Variants in CASK observed in about 807,000 individuals in gnomAD.
CASK encodes calcium/calmodulin dependent serine protein kinase.
CASK carries 4 observed loss-of-function variants against 82.9 expected under a neutral mutation model. That is an observed-to-expected ratio of 0.05 (90% CI 0.02 to 0.11). The LOEUF is 0.11. Among genes scored for constraint, CASK ranks in the 10% least tolerant of loss-of-function variants. The probability of loss-of-function intolerance (pLI) is 1.00; values close to 1 mark genes in which losing one functional copy is unlikely to be tolerated. For missense variants in CASK, 358 were observed against 720.9 expected (o/e 0.50, Z 5.76); for synonymous variants, 259 against 253.5 (o/e 1.02, Z -0.20).
At chrX:41,809,060 T>G (rs1219335864) in intron 2 of CASK, among the ~76,000 whole-genome samples, 3 of 112,435 alleles carry the variant, frequency 2.7e-5, no homozygotes, top group Non-Finnish European at 5.6e-5. Context: ...CCGCCATTGC[T>G]GAGGCTTAAG....
chrX:41,529,793 C>T (rs758159726), intron 25 of CASK: 5 of 112,455 alleles, frequency 4.4e-5, no homozygotes, highest in African/African-American at 1.6e-4. Flanking sequence ...TTGAACAGAT[C>T]CTTTTGTGGT....
intron 2 of CASK, among the ~76,000 whole-genome samples, chrX:41,843,191 C>T (rs2071080763): frequency 8.9e-6 from 1 of 111,793 alleles, no homozygotes; most frequent in African/African-American, 3.3e-5. Context: ...CTAAAATTTC[C>T]AGTACAATGT....
At chrX:41,724,710 T>G (rs912780840) in intron 5 of CASK, among the ~76,000 whole-genome samples, 10 of 112,103 alleles carry the variant, frequency 8.9e-5, no homozygotes, top group African/African-American at 2.3e-4. Context: ...GGTGACCTAG[T>G]TGTTGACTGC....
intron 3 of CASK, among the ~76,000 whole-genome samples, chrX:41,749,270 C>T (rs979383365): frequency 5.7e-5 from 6 of 106,144 alleles, no homozygotes; most frequent in East Asian, 5.9e-4. Context: ...GTTGACAGAG[C>T]GAGACTCCAT....
chrX:41,822,759 T>C (rs2070577536), intron 2 of CASK, among the ~76,000 whole-genome samples: 1 of 109,193 alleles, frequency 9.2e-6, no homozygotes, highest in South Asian at 4.0e-4. Context: ...CTATTGTGAC[T>C]GGTGAGGAGA....
intron 5 of CASK, among the ~76,000 whole-genome samples, chrX:41,712,070 G>A (rs1241027032): frequency 1.8e-5 from 2 of 112,662 alleles, no homozygotes; most frequent in African/African-American, 6.4e-5. Context: ...GTAGGGGGGC[G>A]TTGCTGGCCA....
At chrX:41,749,341 T>C (rs1425368460) in intron 3 of CASK, among the ~76,000 whole-genome samples, 1 of 102,955 alleles carries the variant, frequency 9.7e-6, no homozygotes, top group Non-Finnish European at 2.0e-5. Flanking sequence ...CAGCTTTTAA[T>C]ATTTGGCAAA....
intron 2 of CASK, among the ~76,000 whole-genome samples, chrX:41,833,280 T>C (rs756965894): frequency 8.1e-5 from 9 of 111,455 alleles, no homozygotes; most frequent in Non-Finnish European, 1.7e-4. Context: ...TGAATCGATA[T>C]ATATCTACAC....
chrX:41,526,666 A>G (rs1239662821), intron 25 of CASK, among the ~76,000 whole-genome samples: 1 of 111,625 alleles, frequency 9.0e-6, no homozygotes, highest in Non-Finnish European at 1.9e-5. Flanking sequence ...ATCAGGTTAT[A>G]TTCCTTGATT....
At chrX:41,746,088 T>C (rs771786250) in intron 3 of CASK, among the ~76,000 whole-genome samples, 1 of 112,222 alleles carries the variant, frequency 8.9e-6, no homozygotes, top group Non-Finnish European at 1.9e-5. Flanking sequence ...TTGTTTACAC[T>C]GCCATTCCCA....
At chrX:41,807,414 T>C (rs747639346) in intron 2 of CASK, among the ~76,000 whole-genome samples, 36 of 111,374 alleles carry the variant, frequency 3.2e-4, no homozygotes, top group Non-Finnish European at 6.0e-4. Context: ...TAAAGAGCAG[T>C]GAAAATGTGA....
At chrX:41,910,864 A>G (rs2072551009) in intron 1 of CASK, among the ~76,000 whole-genome samples, 1 of 112,373 alleles carries the variant, frequency 8.9e-6, no homozygotes, top group Admixed American at 9.4e-5. Context: ...TTTCACATCC[A>G]TAAGAGCAAA....
chrX:41,542,098 A>G (rs1368825868), intron 22 of CASK, among the ~76,000 whole-genome samples: 4 of 112,374 alleles, frequency 3.6e-5, no homozygotes, highest in African/African-American at 1.3e-4. Flanking sequence ...AAACATACAT[A>G]CTATAAAGGG....
intron 9 of CASK, among the ~76,000 whole-genome samples, chrX:41,627,953 G>A (rs1255045504): frequency 1.8e-5 from 2 of 111,569 alleles, no homozygotes; most frequent in African/African-American, 6.5e-5. Flanking sequence ...GCGGTGAGCC[G>A]AGATCGTGCC....
rs765310310 is a variant in CASK, at chrX:41,649,086, G to C, written c.831+11353C>G. The stretch of plus-strand genomic sequence containing the variant: ...TCTGATGGTAGTTTGTATTTCTGTG[G>C]GATTGGTGGTGATATCCCCTTTATC... On this transcript the variant is annotated intron_variant, in intron 8 of 26. Transcript: ENST00000378163. Among the ~76,000 whole-genome samples, 7 of 111,405 alleles carry C rather than the reference G, an allele frequency of 6.3e-5. No homozygotes were observed. In the East Asian group the frequency reaches 1.7e-3, roughly 27 times the overall value.
At chrX:41,641,121 G>A (rs759908992) in intron 8 of CASK, among the ~76,000 whole-genome samples, 2 of 109,254 alleles carry the variant, frequency 1.8e-5, no homozygotes, top group South Asian at 7.9e-4. Flanking sequence ...AAGTAGCTGG[G>A]ATTACAGGCA....
At chrX:41,570,020 T>C (rs1007055775) in intron 15 of CASK, among the ~76,000 whole-genome samples, 9 of 95,533 alleles carry the variant, frequency 9.4e-5, no homozygotes, top group African/African-American at 2.7e-4. Context: ...CTTTTTTTTT[T>C]TTTTTTTTTT....
chrX:41,857,464 A>C (rs1309427972), intron 1 of CASK, among the ~76,000 whole-genome samples: 1 of 111,793 alleles, frequency 8.9e-6, no homozygotes, highest in East Asian at 2.8e-4. Context: ...AGAACCAAAA[A>C]CAAACAAAAA....
At chrX:41,559,418 C>G in intron 18 of CASK, 2 of 209,771 alleles carry the variant, frequency 9.5e-6, no homozygotes, top group Non-Finnish European at 1.8e-5. Context: ...TATGTGATTT[C>G]TTAACAAGGG....
Sources: gnomAD v4.1 joint callset for allele counts (sites outside exome capture counted in the v4.1 genomes callset) on GRCh38, gnomAD v4.1.1 for gene constraint, MANE v1.5 for transcripts, NCBI Gene and HGNC (gene_info 2026-07-23, HGNC 2026-07-21) for gene names.